C19orf81: variants seen among roughly 807,000 people sequenced by gnomAD.
C19orf81 encodes the protein putative uncharacterized protein C19orf81.
C19orf81 carries 19 observed loss-of-function variants against 22.1 expected under a neutral mutation model. That is an observed-to-expected ratio of 0.86 (90% confidence interval 0.60 to 1.26). The LOEUF (loss-of-function observed/expected upper bound fraction) is 1.26. C19orf81 is among the 50% of genes most tolerant of loss of function. The pLI, the probability that C19orf81 is intolerant of heterozygous loss-of-function variation, is 0.00. For missense variants in C19orf81, 287 were observed against 280.7 expected (o/e 1.02, Z -0.16); for synonymous variants, 108 against 113.1 (o/e 0.95, Z 0.29).
In C19orf81 at chr19:50,656,852, T is replaced by G. The variant is rs1985004448; in HGVS notation, c.261+506T>G. ...CTGGAATCCCAGCTACTGGGGAGGCTGAGGCAGGAGAATCGCTTGAACCTG... is the reference window on the plus strand; with the variant it reads ...CTGGAATCCCAGCTACTGGGGAGGCGGAGGCAGGAGAATCGCTTGAACCTG... On this transcript the variant is annotated intron_variant, in intron 3 of 4. Coordinates refer to ENST00000425202, the MANE Select transcript of C19orf81 (RefSeq NM_001195076.2). Among the ~76,000 whole-genome samples, 3 of 151,588 alleles carry G rather than the reference T, an allele frequency of 2.0e-5. No homozygotes were observed. In the South Asian group the frequency reaches 6.3e-4, roughly 32 times the overall value.
intron 1 of C19orf81, among the ~76,000 whole-genome samples, chr19:50,653,863 A>C (rs1168568390): frequency 1.3e-5 from 2 of 152,044 alleles, no homozygotes; most frequent in Non-Finnish European, 2.9e-5. Context: ...TGGAAAGCAC[A>C]GGCAAGCCCA....
In C19orf81 at chr19:50,658,026, C is replaced by A. The variant is rs1024031878; in HGVS notation, c.299C>A (p.Ala100Asp). The A allele has an allele frequency of 2.0e-6, 3 of 1,535,730 alleles. No homozygotes were observed. Among genetic ancestry groups the A allele is most frequent in the Non-Finnish European group, 8.7e-7 (1 of 1,146,736 alleles). ...TTTACCCACCTGGAGGTGCTGCAAG[C>A]CCTGGAGGCCCAGTTACCAGGGGCC... ...EDFTHLEVLQ[A>D]LEAQLPGAME... The change falls in exon 4 of 5, where the codon GCC (alanine) becomes GAC (aspartate). Residue 100 changes from alanine (A) to aspartate (D), a missense_variant. Coordinates refer to ENST00000425202, the MANE Select transcript of C19orf81 (RefSeq NM_001195076.2).
intron 1 of C19orf81, among the ~76,000 whole-genome samples, chr19:50,650,085 C>A (rs965783060): frequency 6.6e-6 from 1 of 152,204 alleles, no homozygotes; most frequent in Non-Finnish European, 1.5e-5. Context: ...TTTCTCTCCT[C>A]CTACCTATCC....
At chr19:50,653,968 G>A (rs1026395274) in intron 1 of C19orf81, among the ~76,000 whole-genome samples, 2 of 152,000 alleles carry the variant, frequency 1.3e-5, no homozygotes, top group Non-Finnish European at 2.9e-5. Flanking sequence ...TGAGCTGGGA[G>A]GGGGGGATTT....
intron 3 of C19orf81, among the ~76,000 whole-genome samples, chr19:50,656,807 G>A (rs1985003267): frequency 6.6e-6 from 1 of 151,908 alleles, no homozygotes; most frequent in African/African-American, 2.4e-5. Context: ...CAAACATTAG[G>A]CAGGCGTGGT....
intron 4 of C19orf81, 32 bp from the exon 5 acceptor site, chr19:50,658,915 G>T: frequency 7.1e-7 from 1 of 1,408,184 alleles, no homozygotes; most frequent in Non-Finnish European, 9.3e-7. Flanking sequence ...AACGACCTGC[G>T]AGTTCCTTTT....
intron 1 of C19orf81, among the ~76,000 whole-genome samples, chr19:50,650,672 A>G (rs563637069): frequency 6.6e-6 from 1 of 152,326 alleles, no homozygotes; most frequent in South Asian, 2.1e-4. Context: ...CTCTGTCTCA[A>G]AAAACAAAAC....
chr19:50,658,523 C>T (rs1417151615), intron 4 of C19orf81: 2 of 254,982 alleles, frequency 7.8e-6, no homozygotes, highest in Non-Finnish European at 1.5e-5. Flanking sequence ...AGTAGGGGCC[C>T]GAGTTTGAGT....
At chr19:50,652,328 C>A (rs533934494) in intron 1 of C19orf81, among the ~76,000 whole-genome samples, 19 of 152,260 alleles carry the variant, frequency 1.2e-4, no homozygotes, top group Non-Finnish European at 2.2e-4. Context: ...TTGCTAGATG[C>A]TGGGGACGAA....
At chr19:50,655,566 G>A (rs551166889) in intron 1 of C19orf81, among the ~76,000 whole-genome samples, 4 of 151,946 alleles carry the variant, frequency 2.6e-5, no homozygotes, top group South Asian at 2.1e-4. Flanking sequence ...GGAGAATGGC[G>A]TGAACCCGGG....
In C19orf81 at chr19:50,659,043, C is replaced by T; in HGVS notation, c.498C>T (p.Asp166=). ...TTGCGCACCAGATCGTGCGCCACGA[C>T]GACCTCCTGCTGGGCGACTACCGCC... ...RGLAHQIVRH[D]DLLLGDYRLH... Residue 166 remains aspartate (D), a synonymous_variant, in exon 5 of 5, where the codon GAC becomes GAT. Transcript: ENST00000425202. 1.3e-6 allele frequency: 2 copies of T among 1,529,260 alleles called. No individual in the cohort carries two copies. The highest frequency in any genetic ancestry group is 1.7e-4 in the Middle Eastern group (1 of 5,954). The allele number at this position is 1,529,260 out of a possible 1,614,324, so 94.7% of individuals were successfully genotyped here.
intron 3 of C19orf81, among the ~76,000 whole-genome samples, chr19:50,657,560 C>A (rs1985023060): frequency 6.6e-6 from 1 of 152,164 alleles, no homozygotes; most frequent in Non-Finnish European, 1.5e-5. Context: ...GACTACTGAA[C>A]ATTCTTAAAA....
intron 4 of C19orf81, 60 bp downstream of exon 4, chr19:50,658,188 C>A (rs1451201379): frequency 8.9e-6 from 13 of 1,453,732 alleles, no homozygotes; most frequent in Non-Finnish European, 1.2e-5. Context: ...CCGGGGCGAC[C>A]GGGTAAGAGC....
At position 50,659,185 on chromosome 19, in the gene C19orf81, G is replaced by T; in HGVS notation, c.*43G>T. The T allele has an allele frequency of 7.9e-7, 1 of 1,271,554 alleles. No homozygotes were observed. The highest frequency in any genetic ancestry group is 9.9e-7 in the Non-Finnish European group (1 of 1,009,336). 78.8% of individuals were successfully genotyped at this position (1,271,554 alleles called of 1,614,324 possible). On this transcript the variant is annotated 3_prime_UTR_variant, in exon 5 of 5. Coordinates refer to ENST00000425202, the MANE Select transcript of C19orf81 (RefSeq NM_001195076.2). ...GCAGCGCTTGCGCACCGCCCCGCGGGCTGGGGCCACCCACCCGGAGCCCCG... is the reference window on the plus strand; with the variant it reads ...GCAGCGCTTGCGCACCGCCCCGCGGTCTGGGGCCACCCACCCGGAGCCCCG...
intron 1 of C19orf81, among the ~76,000 whole-genome samples, chr19:50,651,067 C>T (rs1193861066): frequency 6.6e-6 from 1 of 152,200 alleles, no homozygotes; most frequent in Non-Finnish European, 1.5e-5. Flanking sequence ...CAAACTTCAG[C>T]ATAGGCCATT....
chr19:50,658,471 G>T, intron 4 of C19orf81: 1 of 300,062 alleles, frequency 3.3e-6, no homozygotes, highest in South Asian at 5.2e-5. Flanking sequence ...GCGGTTGGAG[G>T]TAAGGTCCGG....
At position 50,659,059 on chromosome 19, in the gene C19orf81, G is replaced by T. The variant is rs1028908851; in HGVS notation, c.514G>T (p.Asp172Tyr). The change falls in exon 5 of 5, where the codon GAC (aspartate) becomes TAC (tyrosine). Residue 172 changes from aspartate to tyrosine, a missense_variant. Coordinates refer to ENST00000425202, the MANE Select transcript of C19orf81 (RefSeq NM_001195076.2). The part of the protein sequence containing the change: ...IVRHDDLLLG[D>Y]YRLHLRRSLV... ...GCGCCACGACGACCTCCTGCTGGGC[G>T]ACTACCGCCTGCACCTGCGCCGCTC... 3.9e-6 allele frequency: 6 copies of T among 1,528,534 alleles called. No individual in the cohort carries two copies. The highest frequency in any genetic ancestry group is 5.2e-6 in the Non-Finnish European group (6 of 1,143,098). The allele number at this position is 1,528,534 out of a possible 1,614,324, so 94.7% of individuals were successfully genotyped here.
chr19:50,649,583 CA>C, intron 1 of C19orf81, 72 bp downstream of exon 1: 5 of 1,473,620 alleles, frequency 3.4e-6, no homozygotes, highest in Non-Finnish European at 4.6e-6. Context: ...CCCGGGCTCA[CA>C]GTGTGGCCTT....
At chr19:50,653,388 GCA>G (rs1984918958) in intron 1 of C19orf81, among the ~76,000 whole-genome samples, 6 of 152,084 alleles carry the variant, frequency 3.9e-5, no homozygotes, top group Admixed American at 3.9e-4. Flanking sequence ...GGGACAGTAA[GCA>G]CATAGTTATA....
Sources: allele counts gnomAD v4.1 joint callset (sites outside exome capture counted in the v4.1 genomes callset), GRCh38; gene constraint gnomAD v4.1.1; transcripts MANE v1.5; gene names NCBI Gene and HGNC (gene_info 2026-07-23, HGNC 2026-07-21).